The following ABTB3 variants were observed in gnomAD, a reference collection of about 807,000 sequenced individuals.
ABTB3 encodes the protein ankyrin repeat and BTB domain containing 3, also known as ankyrin repeat- and BTB/POZ domain-containing protein 3.
chr12:107,616,021 C>G, the ABTB3 span, among the ~76,000 whole-genome samples: 1 of 152,070 alleles, frequency 6.6e-6, no homozygotes, highest in East Asian at 1.9e-4. Flanking sequence ...TTTCCTGGGT[C>G]ATGAGAATCC....
At chr12:107,387,869 T>G in the ABTB3 span, among the ~76,000 whole-genome samples, 1 of 152,094 alleles carries the variant, frequency 6.6e-6, no homozygotes, top group African/African-American at 2.4e-5. Flanking sequence ...ATGAGATTGG[T>G]CCTTATTCCA....
At chr12:107,528,449 G>A in the ABTB3 span, among the ~76,000 whole-genome samples, 3 of 152,142 alleles carry the variant, frequency 2.0e-5, no homozygotes, top group Non-Finnish European at 4.4e-5. Context: ...AGATATGAGA[G>A]ACATAATGAT....
chr12:107,434,431 TGAGG>T, the ABTB3 span, among the ~76,000 whole-genome samples: 1 of 152,188 alleles, frequency 6.6e-6, no homozygotes, highest in Admixed American at 6.5e-5. Context: ...TGTGAGCCCT[TGAGG>T]GAGGACTTTT....
At chr12:107,378,783 T>A in the ABTB3 span, among the ~76,000 whole-genome samples, 1 of 152,238 alleles carries the variant, frequency 6.6e-6, no homozygotes, top group Non-Finnish European at 1.5e-5. Flanking sequence ...ATGGATCTTC[T>A]GTCACTTGTG....
chr12:107,582,203 G>A, the ABTB3 span, among the ~76,000 whole-genome samples: 1 of 152,298 alleles, frequency 6.6e-6, no homozygotes. Flanking sequence ...TGCAGAGAGC[G>A]AGTCAAAGTC....
the ABTB3 span, among the ~76,000 whole-genome samples, chr12:107,540,031 G>A: frequency 6.6e-6 from 1 of 152,332 alleles, no homozygotes; most frequent in South Asian, 2.1e-4. Flanking sequence ...CAGGCTCAGG[G>A]CTGGGTATGT....
the ABTB3 span, among the ~76,000 whole-genome samples, chr12:107,338,222 G>A: frequency 6.6e-6 from 1 of 152,228 alleles, no homozygotes; most frequent in Admixed American, 6.5e-5. Flanking sequence ...GGGGGCCACA[G>A]TAAGACAGGA....
the ABTB3 span, among the ~76,000 whole-genome samples, chr12:107,655,114 A>C: frequency 6.6e-6 from 1 of 152,072 alleles, no homozygotes; most frequent in Non-Finnish European, 1.5e-5. Context: ...GTGTTTCACA[A>C]TCCCATTTTA....
chr12:107,446,726 A>G, the ABTB3 span, among the ~76,000 whole-genome samples: 1 of 152,198 alleles, frequency 6.6e-6, no homozygotes, highest in Non-Finnish European at 1.5e-5. Flanking sequence ...ACAGTGGATT[A>G]TCTGGTAGAC....
chr12:107,533,059 T>A, the ABTB3 span, among the ~76,000 whole-genome samples: 1 of 151,564 alleles, frequency 6.6e-6, no homozygotes, highest in African/African-American at 2.4e-5. Context: ...AAGGACAATA[T>A]CTACCCTGAA....
At chr12:107,391,980 G>T in the ABTB3 span, among the ~76,000 whole-genome samples, 8 of 152,302 alleles carry the variant, frequency 5.3e-5, no homozygotes, top group Admixed American at 4.6e-4. Flanking sequence ...TTCAGATCTG[G>T]GTTCTGCTGC....
At chr12:107,630,433 T>A in the ABTB3 span, among the ~76,000 whole-genome samples, 4 of 152,166 alleles carry the variant, frequency 2.6e-5, no homozygotes, top group African/African-American at 9.7e-5. Context: ...TCTTCTGAAC[T>A]TCTACTGCTT....
chr12:107,610,191 G>A, the ABTB3 span: 1 of 1,614,174 alleles, frequency 6.2e-7, no homozygotes, highest in South Asian at 1.1e-5. Flanking sequence ...CTTCCTTAGG[G>A]CCGACGACTG....
At chr12:107,542,085 G>A in the ABTB3 span, among the ~76,000 whole-genome samples, 8 of 152,022 alleles carry the variant, frequency 5.3e-5, no homozygotes, top group South Asian at 6.2e-4. Flanking sequence ...CAAGGCGGGC[G>A]GATCACCTGC....
chr12:107,566,601 G>A, the ABTB3 span, among the ~76,000 whole-genome samples: 2 of 147,802 alleles, frequency 1.4e-5, no homozygotes, highest in South Asian at 4.4e-4. Context: ...AGCCGCCAAG[G>A]CAAAACAGGA....
the ABTB3 span, among the ~76,000 whole-genome samples, chr12:107,512,711 T>G: frequency 6.6e-6 from 1 of 152,224 alleles, no homozygotes; most frequent in Non-Finnish European, 1.5e-5. Context: ...AGCCCCATTT[T>G]TAGGATCTAC....
the ABTB3 span, among the ~76,000 whole-genome samples, chr12:107,537,175 A>T: frequency 6.6e-6 from 1 of 152,198 alleles, no homozygotes; most frequent in Non-Finnish European, 1.5e-5. Context: ...TCTTAAAAAA[A>T]AAAATTGAGC....
At chr12:107,319,674 T>A in the ABTB3 span, 4 of 1,536,142 alleles carry the variant, frequency 2.6e-6, no homozygotes, top group Non-Finnish European at 3.5e-6. Context: ...GAGAGCCTCT[T>A]CCGGGACATC....
the ABTB3 span, among the ~76,000 whole-genome samples, chr12:107,544,638 G>A: frequency 2.0e-5 from 3 of 152,172 alleles, no homozygotes; most frequent in African/African-American, 4.8e-5. Flanking sequence ...AAGGAACTGG[G>A]AGAGGACCCG....
Sources: gnomAD v4.1 joint callset for allele counts (sites outside exome capture counted in the v4.1 genomes callset) on GRCh38, gnomAD v4.1.1 for gene constraint, MANE v1.5 for transcripts, NCBI Gene and HGNC (gene_info 2026-07-23, HGNC 2026-07-21) for gene names.